SEC31A: variants seen among roughly 807,000 people sequenced by gnomAD.
The protein encoded by SEC31A is SEC31 homolog A, COPII component, also known as protein transport protein Sec31A.
SEC31A carries 70 observed loss-of-function variants against 151.0 expected under a neutral mutation model. That is an observed-to-expected ratio of 0.46 (90% confidence interval 0.38 to 0.57). The LOEUF is 0.57. SEC31A is among the 20% of genes least tolerant of loss of function. The probability of loss-of-function intolerance (pLI) is 0.00; values close to 1 mark genes in which losing one functional copy is unlikely to be tolerated. For synonymous variants in SEC31A, 475 were observed against 505.9 expected (o/e 0.94, Z 0.82); for missense variants, 1,330 against 1,471.2 (o/e 0.90, Z 1.57).
Position 82,874,633 on chromosome 4 carries a change from T to A in SEC31A, c.617A>T (p.Lys206Ile), listed in dbSNP as rs1275407929. Reference protein sequence around the residue: ...WDLRKNEPIIKVSDHSNRMHC... With the variant: ...WDLRKNEPIIIVSDHSNRMHC... ...TACTCTGTTACTATGGTCACTGACT[T>A]TGATGATTGGCTCATTTTTTCTAAG... Residue 206 changes from lysine to isoleucine, a missense_variant, in exon 6 of 27, where the codon AAA (lysine) becomes ATA (isoleucine). By Grantham distance (102) the Lys-to-Ile change is moderately radical. Transcript: ENST00000395310. 6.2e-7 allele frequency: 1 copy of A among 1,610,098 alleles called. No homozygotes were observed. Among genetic ancestry groups the A allele is most frequent in the African/African-American group, 1.3e-5 (1 of 74,740 alleles).
intron 3 of SEC31A, 104 bp downstream of exon 3, chr4:82,880,695 G>T: frequency 1.1e-6 from 1 of 932,466 alleles, no homozygotes; most frequent in South Asian, 2.2e-5. Flanking sequence ...TGTTCTTGAT[G>T]GTATTCCTTG....
upstream of SEC31A, chr4:82,895,486 C>T (rs1049864976): frequency 6.6e-6 from 1 of 152,152 alleles, no homozygotes; most frequent in East Asian, 1.9e-4. Flanking sequence ...GCTCCACCCC[C>T]TCCAATGCCT....
intron 4 of SEC31A, among the ~76,000 whole-genome samples, 194 bp from the exon 5 acceptor site, chr4:82,876,016 T>C (rs1277786201): frequency 6.6e-6 from 1 of 151,900 alleles, no homozygotes; most frequent in Admixed American, 6.6e-5. Context: ...TAGAAAAACA[T>C]AAAATTCTAC....
intron 22 of SEC31A, chr4:82,829,505 G>C (rs78012077): frequency 0.014 from 2,130 of 152,966 alleles, 23 homozygotes; most frequent in Non-Finnish European, 0.021. Flanking sequence ...TATTTGCCAA[G>C]AGGGCAATTC....
At chr4:82,865,761 G>A (rs1206162299) in intron 10 of SEC31A, among the ~76,000 whole-genome samples, 2 of 151,982 alleles carry the variant, frequency 1.3e-5, no homozygotes, top group African/African-American at 4.8e-5. Flanking sequence ...AGTAGAATGT[G>A]GTTACCAGGG....
In SEC31A at chr4:82,853,648, A is replaced by G. The variant is rs2149380249; in HGVS notation, c.2076T>C (p.Tyr692=). The change falls in exon 18 of 27, where the codon TAT becomes TAC. Residue 692 remains tyrosine (Y), a synonymous_variant. Transcript: ENST00000395310. ...ATTTCTCTACATTCCCTGCACAAATATAGCAGAGACATGCTTGAGTCTGCA... is the reference window on the plus strand; with the variant it reads ...ATTTCTCTACATTCCCTGCACAAATGTAGCAGAGACATGCTTGAGTCTGCA... ...SLLQTQACLC[Y]ICAGNVEKLV... 1.2e-6 allele frequency: 2 copies of G among 1,603,672 alleles called. No homozygotes were observed. The highest frequency in any genetic ancestry group is 1.7e-6 in the Non-Finnish European group (2 of 1,177,302).
Position 82,857,097 on chromosome 4 carries a change from G to T in SEC31A, c.1736C>A (p.Thr579Lys). The T allele has an allele frequency of 4.3e-6, 7 of 1,613,298 alleles. No individual in the cohort carries two copies. The highest frequency in any genetic ancestry group is 5.9e-6 in the Non-Finnish European group (7 of 1,179,846). The change falls in exon 16 of 27, where the codon ACG (threonine) becomes AAG (lysine). Residue 579 changes from threonine (T) to lysine (K), a missense_variant. Coordinates refer to ENST00000395310, the MANE Select transcript of SEC31A (RefSeq NM_001077207.4). ...GTCAACAGCACTCTCAAAATTGCCC[G>T]TCAGCAAAGCCTGAGTAATTAAACC... is the stretch of plus-strand genomic sequence containing the variant. ...IDGLITQALL[T>K]GNFESAVDLC...
intron 3 of SEC31A, among the ~76,000 whole-genome samples, chr4:82,898,236 A>T (rs948962402): frequency 1.3e-5 from 2 of 152,244 alleles, no homozygotes; most frequent in African/African-American, 4.8e-5. Context: ...TTACTAGAAG[A>T]AGCAATGATA....
Position 82,871,999 on chromosome 4 carries a change from TCTGGATCA to T in SEC31A, c.719_726del (p.Val240AspfsTer32). On this transcript the variant is annotated frameshift_variant, in exon 7 of 27. Coordinates refer to ENST00000395310, the MANE Select transcript of SEC31A (RefSeq NM_001077207.4). LOFTEE classifies it high-confidence loss of function. ...GAGGAAGCAAATCGAAGATCCCACATCTGGATCACTGGTAACCGGTCATCCTCGGAGGC... is the reference window on the plus strand; with the variant it reads ...GAGGAAGCAAATCGAAGATCCCACATCTGGTAACCGGTCATCCTCGGAGGC... 6.2e-7 allele frequency: 1 copy of T among 1,614,012 alleles called. No homozygotes were observed. Among genetic ancestry groups the T allele is most frequent in the Non-Finnish European group, 8.5e-7 (1 of 1,179,916 alleles).
intron 20 of SEC31A, among the ~76,000 whole-genome samples, chr4:82,845,009 A>T (rs913602567): frequency 2.0e-5 from 3 of 152,246 alleles, no homozygotes. Context: ...CAAAAGAAGG[A>T]GGGGAAGGAT....
At chr4:82,833,490 T>A (rs1323995273) in intron 22 of SEC31A, among the ~76,000 whole-genome samples, 4 of 148,698 alleles carry the variant, frequency 2.7e-5, no homozygotes, top group African/African-American at 1.0e-4. Context: ...GGCACATGTA[T>A]ACCCATGTAA....
Position 82,842,137 on chromosome 4 carries a change from G to A in SEC31A, c.2968+3C>T. 6.5e-7 allele frequency: 1 copy of A among 1,550,344 alleles called. No individual in the cohort carries two copies. Reference sequence around the variant, plus strand: ...CCAAACCAAATCCCTTTCAAGCGCAGACCTGTTCTTTGGGACGCAGGCAGC... The same window carrying A: ...CCAAACCAAATCCCTTTCAAGCGCAAACCTGTTCTTTGGGACGCAGGCAGC... On this transcript the variant is annotated splice_donor_region_variant and intron_variant, in intron 22 of 26. Coordinates refer to ENST00000395310, the MANE Select transcript of SEC31A (RefSeq NM_001077207.4).
intron 6 of SEC31A, among the ~76,000 whole-genome samples, chr4:82,872,817 C>T (rs1047086125): frequency 2.0e-5 from 3 of 152,044 alleles, no homozygotes; most frequent in Admixed American, 6.6e-5. Context: ...GCGATTCTCC[C>T]GCTTCAGCTT....
rs1333689201 is a variant in SEC31A at position 82,819,115 on chromosome 4, G to C, written c.3622C>G (p.Leu1208Val). The change falls in exon 27 of 27, where the codon CTC becomes GTC. Residue 1208 changes from leucine (L) to valine (V), a missense_variant. Transcript: ENST00000395310. ...TTGGCCTGGGTGAGAACAACTTTGA[G>C]AACTGGCATGAAAGCAGAGGTCTCA... ...FSETSAFMPV[L>V]KVVLTQANKL... The C allele has an allele frequency of 6.2e-7, 1 of 1,611,792 alleles. No homozygotes were observed. The highest frequency in any genetic ancestry group is 8.5e-7 in the Non-Finnish European group (1 of 1,178,926).
In SEC31A at chr4:82,842,139, C is replaced by A. The variant is rs78735860; in HGVS notation, c.2968+1G>T. ...AAACCAAATCCCTTTCAAGCGCAGA[C>A]CTGTTCTTTGGGACGCAGGCAGCTC... On this transcript the variant is annotated splice_donor_variant, in intron 22 of 26. Transcript: ENST00000395310. LOFTEE classifies it high-confidence loss of function. 798 of 1,551,340 alleles carry A rather than the reference C, an allele frequency of 5.1e-4. 3 individuals carry two copies. The African/African-American group carries it at 7.8e-3, about 15-fold the overall frequency.
chr4:82,847,661 G>C (rs1185372883), intron 20 of SEC31A, among the ~76,000 whole-genome samples: 1 of 152,054 alleles, frequency 6.6e-6, no homozygotes, highest in East Asian at 1.9e-4. Context: ...TGACATCTCT[G>C]CTTCTCAGTT....
At chr4:82,824,410 G>A in intron 25 of SEC31A, 145 bp downstream of exon 25, 1 of 746,498 alleles carries the variant, frequency 1.3e-6, no homozygotes, top group Non-Finnish European at 2.1e-6. Flanking sequence ...TTGCTATGTT[G>A]GCCAGGATGG....
chr4:82,899,350 T>G (rs1356876778), intron 3 of SEC31A, among the ~76,000 whole-genome samples: 1 of 152,252 alleles, frequency 6.6e-6, no homozygotes, highest in Non-Finnish European at 1.5e-5. Flanking sequence ...TTGTGTGGTA[T>G]GAGAATTATA....
At chr4:82,853,544 A>G (rs903360114) in intron 18 of SEC31A, 26 bp downstream of exon 18, 3 of 1,537,062 alleles carry the variant, frequency 2.0e-6, no homozygotes, top group African/African-American at 2.9e-5. Flanking sequence ...CTAAAAATTA[A>G]GTGCCTTTTG....
Sources: allele counts gnomAD v4.1 joint callset (sites outside exome capture counted in the v4.1 genomes callset), GRCh38; gene constraint gnomAD v4.1.1; transcripts MANE v1.5; gene names NCBI Gene and HGNC (gene_info 2026-07-23, HGNC 2026-07-21).